The following SSR1 variants were observed in gnomAD, a reference collection of about 807,000 sequenced individuals.
The protein encoded by SSR1 is signal sequence receptor subunit 1, also known as translocon-associated protein subunit alpha.
In SSR1, 13 loss-of-function variants were observed where a neutral mutation model predicts 36.1. The ratio of observed to expected loss-of-function variants is 0.36; its 90% CI spans 0.23 to 0.57. SSR1 has a LOEUF of 0.57. Among genes scored for constraint, SSR1 ranks in the 20% least tolerant of loss-of-function variants. SSR1 has a pLI of 0.81. For synonymous variants in SSR1, 113 were observed against 118.9 expected, an observed-to-expected ratio of 0.95 and a Z score of 0.32; for missense variants, 291 against 338.5, an observed-to-expected ratio of 0.86 and a Z score of 1.10.
chr6:7,306,361 T>A (rs1038319395), intron 2 of SSR1, among the ~76,000 whole-genome samples: 6 of 151,882 alleles, frequency 4.0e-5, no homozygotes, highest in Non-Finnish European at 8.8e-5. Context: ...GCCAGGATGG[T>A]CTTGATCTCC....
At chr6:7,305,317 T>C (rs1758031766) in intron 2 of SSR1, among the ~76,000 whole-genome samples, 1 of 152,156 alleles carries the variant, frequency 6.6e-6, no homozygotes, top group Admixed American at 6.5e-5. Flanking sequence ...AACTATCCTG[T>C]GAAGAGCTGG....
intron 7 of SSR1, among the ~76,000 whole-genome samples, chr6:7,290,240 A>T (rs1757652886): frequency 6.6e-6 from 1 of 152,282 alleles, no homozygotes; most frequent in African/African-American, 2.4e-5. Flanking sequence ...AACCAAGTTT[A>T]TACATGCATA....
chr6:7,298,016 G>A lies in SSR1; in HGVS notation c.621-15C>T. The A allele has an allele frequency of 1.3e-6, 2 of 1,592,870 alleles. No homozygotes were observed. Among genetic ancestry groups the A allele is most frequent in the Non-Finnish European group, 1.7e-6 (2 of 1,161,788 alleles). On this transcript the variant is annotated splice_polypyrimidine_tract_variant and intron_variant, in intron 5 of 7. Transcript: ENST00000244763. ...ACATAAAGATTCTGGTACAAAAGGA[G>A]AAAATATGAACTGTCTTTAATTCAG...
chr6:7,306,674 C>A (rs183944109), intron 2 of SSR1, among the ~76,000 whole-genome samples: 1 of 150,772 alleles, frequency 6.6e-6, no homozygotes, highest in South Asian at 2.1e-4. Context: ...CCCAGCACTT[C>A]GGGAGGCCGA....
At position 7,289,928 on chromosome 6, in the gene SSR1, T is replaced by C; in HGVS notation, c.797A>G (p.Lys266Arg). 6.5e-7 allele frequency: 1 copy of C among 1,538,970 alleles called. No individual in the cohort carries two copies. Among genetic ancestry groups the C allele is most frequent in the Non-Finnish European group, 8.7e-7 (1 of 1,154,708 alleles). The change falls in exon 8 of 8, where the codon AAA becomes AGA. Residue 266 changes from lysine to arginine, a missense_variant. Transcript: ENST00000244763. ...CCTGGGCAACCTTCTTGGTGAAGCT[T>C]TATCTGGAAGAAAAGAGAAAGTTTT... ...IPQETLNQINKASPRRLPRKR... is the reference protein window; with the variant it reads ...IPQETLNQINRASPRRLPRKR...
intron 7 of SSR1, among the ~76,000 whole-genome samples, chr6:7,290,238 T>G (rs896254192): frequency 6.6e-6 from 1 of 152,254 alleles, no homozygotes; most frequent in Admixed American, 6.5e-5. Context: ...TTAACCAAGT[T>G]TATACATGCA....
In SSR1 at chr6:7,286,258, A is replaced by T. The variant is rs1174132856; in HGVS notation, c.*3606T>A. On this transcript the variant is annotated 3_prime_UTR_variant, in exon 8 of 8. Coordinates refer to ENST00000244763, the MANE Select transcript of SSR1 (RefSeq NM_003144.5). ...CCCTAAATTTCAAAATCTAAAAAAAAAACCTTAGAACCTCAGATGATATAA... is the reference window on the plus strand; with the variant it reads ...CCCTAAATTTCAAAATCTAAAAAAATAACCTTAGAACCTCAGATGATATAA... 6.6e-6 allele frequency: 1 copy of T among 152,212 alleles called. No homozygotes were observed. Among genetic ancestry groups the T allele is most frequent in the Non-Finnish European group, 1.5e-5 (1 of 68,030 alleles). The allele number at this position is 152,212 out of a possible 1,614,324, so 9.4% of individuals were successfully genotyped here.
chr6:7,304,007 T>C (rs1757997371), intron 2 of SSR1, among the ~76,000 whole-genome samples: 1 of 152,210 alleles, frequency 6.6e-6, no homozygotes, highest in African/African-American at 2.4e-5. Flanking sequence ...GGAAGAAATA[T>C]TGCTTCTCTA....
chr6:7,304,921 AAG>A (rs1223487142), intron 2 of SSR1, among the ~76,000 whole-genome samples: 2 of 152,204 alleles, frequency 1.3e-5, no homozygotes, highest in African/African-American at 4.8e-5. Context: ...TCATGCACTT[AAG>A]AGAGAGTGCA....
chr6:7,308,778 A>G (rs1408878648), intron 2 of SSR1, among the ~76,000 whole-genome samples: 2 of 152,238 alleles, frequency 1.3e-5, no homozygotes, highest in African/African-American at 4.8e-5. Context: ...CAGAGAAAAT[A>G]TCTGGTTTGC....
chr6:7,304,672 G>C (rs1025588962), intron 2 of SSR1, among the ~76,000 whole-genome samples: 1 of 152,122 alleles, frequency 6.6e-6, no homozygotes, highest in South Asian at 2.1e-4. Context: ...TTTAAAATGT[G>C]AACAAATTTT....
chr6:7,282,656 G>A lies in SSR1; in HGVS notation c.*7208C>T, dbSNP rs1757452800. ...CAGGGGGCTTCAGTATAAACCAGAT[G>A]TGTGCTAGCTGGGTGGACTTCAAGT... On this transcript the variant is annotated 3_prime_UTR_variant, in exon 8 of 8. Transcript: ENST00000244763. 1 of 152,264 alleles carries A rather than the reference G, an allele frequency of 6.6e-6. No homozygotes were observed. The allele number at this position is 152,264 out of a possible 1,614,324, so 9.4% of individuals were successfully genotyped here.
intron 1 of SSR1, among the ~76,000 whole-genome samples, chr6:7,310,711 G>T (rs991584656): frequency 9.9e-5 from 15 of 152,030 alleles, no homozygotes; most frequent in Non-Finnish European, 2.9e-5. Flanking sequence ...AGGAGTTCAA[G>T]ACCAGCCTGG....
intron 4 of SSR1, among the ~76,000 whole-genome samples, chr6:7,300,486 G>C (rs1757909597): frequency 6.6e-6 from 1 of 152,096 alleles, no homozygotes; most frequent in Non-Finnish European, 1.5e-5. Context: ...AAACCTTGCT[G>C]CTGAAACTAC....
At chr6:7,303,678 A>G (rs1178000817) in intron 2 of SSR1, 41 bp from the exon 3 acceptor site, 2 of 1,436,088 alleles carry the variant, frequency 1.4e-6, no homozygotes, top group Admixed American at 3.8e-5. Flanking sequence ...CTATGGGAGA[A>G]AAAAAAATCA....
chr6:7,299,031 G>T (rs561765617), intron 4 of SSR1, among the ~76,000 whole-genome samples: 1 of 152,292 alleles, frequency 6.6e-6, no homozygotes, highest in South Asian at 2.1e-4. Flanking sequence ...TCTGGGCCAG[G>T]TGAGATGGCG....
chr6:7,290,568 T>C (rs1423775243), intron 7 of SSR1, among the ~76,000 whole-genome samples: 2 of 152,226 alleles, frequency 1.3e-5, no homozygotes, highest in Admixed American at 1.3e-4. Context: ...TGTCTTACTT[T>C]CTGGGGGGTA....
chr6:7,288,784 T>G lies in SSR1; in HGVS notation c.*1080A>C, dbSNP rs1424013513. 1 of 152,498 alleles carries G rather than the reference T, an allele frequency of 6.6e-6. No individual in the cohort carries two copies. The highest frequency in any genetic ancestry group is 2.4e-5 in the African/African-American group (1 of 41,426). 9.4% of individuals were successfully genotyped at this position (152,498 alleles called of 1,614,324 possible). On this transcript the variant is annotated 3_prime_UTR_variant, in exon 8 of 8. Coordinates refer to ENST00000244763, the MANE Select transcript of SSR1 (RefSeq NM_003144.5). ...AAGTACAATTTAATTTTGGTTCCAGTCTCAAGCACTTAAGAACAATTTTTG... is the reference window on the plus strand; with the variant it reads ...AAGTACAATTTAATTTTGGTTCCAGGCTCAAGCACTTAAGAACAATTTTTG...
In SSR1 at chr6:7,301,358, G is replaced by A. The variant is rs368386379; in HGVS notation, c.495C>T (p.Gly165=). The change falls in exon 4 of 8, where the codon GGC becomes GGT. Residue 165 remains glycine, a synonymous_variant. Transcript: ENST00000244763. ...EYSFIPAEPM[G]GRPFGLVINL... ...TGATGACCAAACCAAATGGTCGTCCGCCCATGGGCTCTGCAGGAATGAAAG... is the reference window on the plus strand; with the variant it reads ...TGATGACCAAACCAAATGGTCGTCCACCCATGGGCTCTGCAGGAATGAAAG... 1.8e-5 allele frequency: 29 copies of A among 1,613,990 alleles called. No individual in the cohort carries two copies. Among genetic ancestry groups the A allele is most frequent in the African/African-American group, 1.1e-4 (8 of 74,882 alleles).
Sources: gnomAD v4.1 joint callset for allele counts (sites outside exome capture counted in the v4.1 genomes callset) on GRCh38, gnomAD v4.1.1 for gene constraint, MANE v1.5 for transcripts, NCBI Gene and HGNC (gene_info 2026-07-23, HGNC 2026-07-21) for gene names.